Variants in PCBP2 observed in about 807,000 individuals in gnomAD.
PCBP2 encodes poly(rC)-binding protein 2.
Under a neutral mutation model 50.1 loss-of-function variants are expected in PCBP2, and 4 were observed. The observed-to-expected ratio is 0.08, with a 90% confidence interval of 0.04 to 0.18. PCBP2 has a LOEUF of 0.18. Among genes scored for constraint, PCBP2 ranks in the 10% least tolerant of loss-of-function variants. The probability of loss-of-function intolerance (pLI) is 1.00; values close to 1 mark genes in which losing one functional copy is unlikely to be tolerated. For synonymous variants in PCBP2, 179 were observed against 168.0 expected (o/e 1.07, Z -0.51); for missense variants, 161 against 474.3 (o/e 0.34, Z 6.14).
intron 12 of PCBP2, 140 bp downstream of exon 12, chr12:53,467,983 T>C: frequency 1.4e-6 from 1 of 704,602 alleles, no homozygotes; most frequent in Non-Finnish European, 2.4e-6. Context: ...GGGGTGGGCC[T>C]GGAGCCCCCG....
At chr12:53,472,669 T>A (rs1375921876) in intron 14 of PCBP2, among the ~76,000 whole-genome samples, 1 of 152,200 alleles carries the variant, frequency 6.6e-6, no homozygotes, top group Non-Finnish European at 1.5e-5. Flanking sequence ...TCATAAAAGT[T>A]TTACATGAGT....
chr12:53,481,100 A>C lies in PCBP2; in HGVS notation c.*1658A>C. ...GGACAGCCCCATCTTTCTGTTGATT[A>C]TGTGGCGCATATATATATATATATG... On this transcript the variant is annotated 3_prime_UTR_variant, in exon 15 of 15. Coordinates refer to ENST00000546463, the MANE Select transcript of PCBP2 (RefSeq NM_031989.5). The C allele has an allele frequency of 3.4e-6, 2 of 585,026 alleles. No individual in the cohort carries two copies. Among genetic ancestry groups the C allele is most frequent in the East Asian group, 6.6e-5 (1 of 15,096 alleles). The allele number at this position is 585,026 out of a possible 1,614,324, so 36.2% of individuals were successfully genotyped here. A position where few individuals can be genotyped will look rare whatever the true frequency, so the allele number is the denominator to read the frequency against.
At position 53,455,453 on chromosome 12, in the gene PCBP2, C is replaced by G. The variant is rs762739219; in HGVS notation, c.94-8C>G. 2 of 1,613,996 alleles carry G rather than the reference C, an allele frequency of 1.2e-6. No individual in the cohort carries two copies. Among genetic ancestry groups the G allele is most frequent in the Admixed American group, 1.7e-5 (1 of 60,028 alleles). On this transcript the variant is annotated splice_polypyrimidine_tract_variant and splice_region_variant and intron_variant, in intron 3 of 14. Coordinates refer to ENST00000546463, the MANE Select transcript of PCBP2 (RefSeq NM_031989.5). ...AGTTGGAGCTCATGCTTGACTTTTC[C>G]TTTACAGAAAGGAGAATCAGTTAAG... is the stretch of plus-strand genomic sequence containing the variant.
At chr12:53,476,952 G>A (rs1385561646) in intron 14 of PCBP2, among the ~76,000 whole-genome samples, 2 of 152,222 alleles carry the variant, frequency 1.3e-5, no homozygotes, top group South Asian at 4.1e-4. Flanking sequence ...TAACCTAATG[G>A]CTATTCCCCA....
intron 8 of PCBP2, among the ~76,000 whole-genome samples, chr12:53,463,823 C>T (rs1941618836): frequency 6.6e-6 from 1 of 152,198 alleles, no homozygotes; most frequent in Non-Finnish European, 1.5e-5. Context: ...TTAACTAGTT[C>T]CATCTTACCT....
intron 11 of PCBP2, 131 bp downstream of exon 11, chr12:53,467,424 T>A: frequency 1.2e-6 from 1 of 807,848 alleles, no homozygotes; most frequent in East Asian, 2.5e-5. Context: ...CTTGCCTGTC[T>A]ACTATGGCTA....
intron 1 of PCBP2, chr12:53,453,337 A>C (rs1265856113): frequency 6.6e-6 from 1 of 152,134 alleles, no homozygotes; most frequent in South Asian, 2.1e-4. Flanking sequence ...AAAGAAAGTC[A>C]TTCTTACAGA....
chr12:53,459,911 C>CCA, intron 6 of PCBP2: 1 of 450,744 alleles, frequency 2.2e-6, no homozygotes, highest in Non-Finnish European at 4.5e-6. Context: ...CAGGCTCCCA[C>CCA]CACCACACCC....
Position 53,454,806 on chromosome 12 carries a change from C to A in PCBP2, c.6C>A (p.Asp2Glu), listed in dbSNP as rs761957194. 6.2e-6 allele frequency: 10 copies of A among 1,613,910 alleles called. No homozygotes were observed. The highest frequency in any genetic ancestry group is 8.5e-6 in the Non-Finnish European group (10 of 1,179,900). ...TCCCCAGAACACTGCTCGACATGGACACCGGTGTGATTGAAGGTGGATTAA... is the reference window on the plus strand; with the variant it reads ...TCCCCAGAACACTGCTCGACATGGAAACCGGTGTGATTGAAGGTGGATTAA... MDTGVIEGGLNV... is the reference protein window; with the variant it reads METGVIEGGLNV... The change falls in exon 2 of 15, where the codon GAC becomes GAA. Residue 2 changes from aspartate to glutamate, a missense_variant. By Grantham distance (45) the Asp-to-Glu change is conservative (BLOSUM62 2). Transcript: ENST00000546463.
intron 14 of PCBP2, among the ~76,000 whole-genome samples, chr12:53,472,083 G>A (rs574943584): frequency 6.6e-6 from 1 of 152,124 alleles, no homozygotes; most frequent in East Asian, 1.9e-4. Flanking sequence ...TTCAGTAAGA[G>A]TCCTCTGGCT....
chr12:53,468,794 G>C lies in PCBP2; in HGVS notation c.844G>C (p.Ala282Pro). 5 of 1,613,618 alleles carry C rather than the reference G, an allele frequency of 3.1e-6. No individual in the cohort carries two copies. Among genetic ancestry groups the C allele is most frequent in the Non-Finnish European group, 4.2e-6 (5 of 1,179,574 alleles). ...TCTTTTAGCAGGTTTGGATGCATCT[G>C]CTCAGACTACTTCTCATGAACTCAC... ...KGYWAGLDAS[A>P]QTTSHELTIP... Residue 282 changes from alanine to proline, a missense_variant, in exon 13 of 15, where the codon GCT becomes CCT. By Grantham distance (27) the Ala-to-Pro change is conservative. Around this residue, in one of 7 missense-constraint regions of PCBP2, gnomAD observed 51 missense variants for 193.0 expected, o/e 0.26. Coordinates refer to ENST00000546463, the MANE Select transcript of PCBP2 (RefSeq NM_031989.5).
At chr12:53,462,377 T>G in intron 7 of PCBP2, 116 bp from the exon 8 acceptor site, 1 of 719,148 alleles carries the variant, frequency 1.4e-6, no homozygotes, top group Non-Finnish European at 2.3e-6. Context: ...ATTTGGTAGG[T>G]AAGGGGATGG....
chr12:53,454,625 G>A (rs773892097), intron 1 of PCBP2, 101 bp from the exon 2 acceptor site: 5 of 617,098 alleles, frequency 8.1e-6, no homozygotes, highest in Non-Finnish European at 1.5e-5. Context: ...TGTCATTTAA[G>A]GAAAAGTGTA....
At position 53,454,991 on chromosome 12, in the gene PCBP2, C is replaced by T. The variant is rs1007705970; in HGVS notation, c.69+122C>T. On this transcript the variant is annotated intron_variant, in intron 2 of 14. Coordinates refer to ENST00000546463, the MANE Select transcript of PCBP2 (RefSeq NM_031989.5). ...GGGGCATCTGGCTTTAGCACATTTC[C>T]CTAATGGAGTAGAAGTGAGTGTAGT... 8 of 827,672 alleles carry T rather than the reference C, an allele frequency of 9.7e-6. No individual in the cohort carries two copies. In the Admixed American group the frequency reaches 1.6e-4, roughly 16 times the overall value. 51.3% of individuals were successfully genotyped at this position (827,672 alleles called of 1,614,324 possible). A position where few individuals can be genotyped will look rare whatever the true frequency, so the allele number is the denominator to read the frequency against.
intron 5 of PCBP2, among the ~76,000 whole-genome samples, chr12:53,457,525 T>G (rs1490365850): frequency 6.6e-6 from 1 of 151,922 alleles, no homozygotes; most frequent in Non-Finnish European, 1.5e-5. Context: ...TTCATGGGTT[T>G]TGTAGAGACT....
chr12:53,455,263 G>A, intron 2 of PCBP2, 84 bp from the exon 3 acceptor site: 1 of 1,313,846 alleles, frequency 7.6e-7, no homozygotes, highest in Non-Finnish European at 1.1e-6. Flanking sequence ...ATTAGAACAT[G>A]TAGAAAAAGG....
At chr12:53,476,176 A>C (rs1335926389) in intron 14 of PCBP2, 1 of 152,166 alleles carries the variant, frequency 6.6e-6, no homozygotes, top group Admixed American at 6.5e-5. Flanking sequence ...CAACTCTGTC[A>C]ACCAAGTTTC....
intron 11 of PCBP2, 102 bp downstream of exon 11, chr12:53,467,395 A>T: frequency 1.0e-6 from 1 of 976,850 alleles, no homozygotes; most frequent in Non-Finnish European, 1.7e-6. Flanking sequence ...TTCGTTATCC[A>T]GCATCCTGCT....
At chr12:53,467,585 C>G (rs973783366) in intron 11 of PCBP2, 40 of 615,900 alleles carry the variant, frequency 6.5e-5, no homozygotes, top group Non-Finnish European at 1.0e-4. Context: ...CCCATCCTGA[C>G]TGCTGCCCCC....
Sources: gnomAD v4.1 joint callset for allele counts (sites outside exome capture counted in the v4.1 genomes callset) on GRCh38, gnomAD v4.1.1 for gene constraint, gnomAD v4.1.1 regional missense constraint, MANE v1.5 for transcripts, NCBI Gene and HGNC (gene_info 2026-07-23, HGNC 2026-07-21) for gene names.